The following ETS1 variants were observed in gnomAD, a reference collection of about 807,000 sequenced individuals.
The protein encoded by ETS1 is protein C-ets-1.
A neutral mutation model predicts 58.6 loss-of-function variants in ETS1; 15 were observed. That is an observed-to-expected ratio of 0.26 (90% CI 0.17 to 0.39). The LOEUF is 0.39. Among genes scored for constraint, ETS1 ranks in the 10% least tolerant of loss-of-function variants. The pLI is 1.00. For missense variants in ETS1, 417 were observed against 610.5 expected (o/e 0.68, Z 3.34); for synonymous variants, 214 against 218.2 (o/e 0.98, Z 0.17).
intron 1 of ETS1, among the ~76,000 whole-genome samples, chr11:128,574,434 A>G (rs1864701356): frequency 2.0e-5 from 3 of 152,176 alleles, no homozygotes; most frequent in Non-Finnish European, 4.4e-5. Context: ...GTTTTTTAGG[A>G]AATTGATCTC....
chr11:128,512,519 G>C (rs554961319), intron 3 of ETS1, among the ~76,000 whole-genome samples: 1 of 152,180 alleles, frequency 6.6e-6, no homozygotes, highest in Non-Finnish European at 1.5e-5. Flanking sequence ...CCCCATGTGC[G>C]GGCACCGCTC....
At chr11:128,506,952 C>A (rs539678709) in intron 3 of ETS1, among the ~76,000 whole-genome samples, 3 of 152,132 alleles carry the variant, frequency 2.0e-5, no homozygotes, top group Non-Finnish European at 2.9e-5. Flanking sequence ...TACTTACATA[C>A]AAAAGATTCT....
At chr11:128,498,692 T>C (rs1265658404) in intron 3 of ETS1, among the ~76,000 whole-genome samples, 2 of 152,204 alleles carry the variant, frequency 1.3e-5, no homozygotes, top group African/African-American at 4.8e-5. Flanking sequence ...TAATTGTCAT[T>C]TATGGGCCTC....
intron 3 of ETS1, among the ~76,000 whole-genome samples, chr11:128,494,037 G>C (rs1292875767): frequency 1.3e-5 from 2 of 152,014 alleles, no homozygotes; most frequent in African/African-American, 4.8e-5. Context: ...TTTACATTAG[G>C]TACAAAATAT....
chr11:128,492,846 G>A (rs1456761543), intron 3 of ETS1, among the ~76,000 whole-genome samples: 1 of 152,144 alleles, frequency 6.6e-6, no homozygotes, highest in Non-Finnish European at 1.5e-5. Flanking sequence ...TTGCTTCTGA[G>A]AGAAGAAACA....
At chr11:128,565,050 A>AAATAAATAAATAAATAAAT (rs1257821669) in intron 2 of ETS1, among the ~76,000 whole-genome samples, 43 of 150,678 alleles carry the variant, frequency 2.9e-4, no homozygotes, top group Non-Finnish European at 5.0e-4. Flanking sequence ...ATAAATAAAT[A>AAATAAATAAATAAATAAAT]AATAAATAAA....
intron 7 of ETS1, among the ~76,000 whole-genome samples, chr11:128,483,638 A>G (rs1042614390): frequency 7.2e-5 from 11 of 152,220 alleles, no homozygotes; most frequent in Non-Finnish European, 1.3e-4. Context: ...CTGATTTTGC[A>G]GGGACTTTCC....
intron 8 of ETS1, among the ~76,000 whole-genome samples, chr11:128,478,548 T>C (rs1265313996): frequency 6.6e-6 from 1 of 152,146 alleles, no homozygotes; most frequent in East Asian, 1.9e-4. Context: ...ACCTAGAGCA[T>C]AGTTTTCTCT....
chr11:128,497,620 G>A (rs935536371), intron 3 of ETS1: 8 of 983,596 alleles, frequency 8.1e-6, no homozygotes, highest in Non-Finnish European at 8.5e-6. Context: ...ACATGGTAGG[G>A]AAGCAGGAAA....
At chr11:128,563,430 C>CT (rs1864437602) in intron 2 of ETS1, among the ~76,000 whole-genome samples, 1 of 152,172 alleles carries the variant, frequency 6.6e-6, no homozygotes, top group Non-Finnish European at 1.5e-5. Context: ...ATCAAGCAGC[C>CT]TGGGTTCAAG....
At chr11:128,544,257 CTG>C (rs1483679983) in intron 3 of ETS1, among the ~76,000 whole-genome samples, 2 of 149,772 alleles carry the variant, frequency 1.3e-5, no homozygotes, top group African/African-American at 4.9e-5. Flanking sequence ...ATAGAGCAAA[CTG>C]TTTCTTCAAC....
At chr11:128,499,114 T>G (rs1295306589) in intron 3 of ETS1, among the ~76,000 whole-genome samples, 2 of 152,312 alleles carry the variant, frequency 1.3e-5, no homozygotes, top group African/African-American at 2.4e-5. Context: ...TCACTAAAAT[T>G]CTCATGACAG....
intron 8 of ETS1, among the ~76,000 whole-genome samples, chr11:128,470,145 A>G (rs147074613): frequency 6.6e-6 from 1 of 152,226 alleles, no homozygotes; most frequent in East Asian, 1.9e-4. Context: ...CATGAAAAAG[A>G]GTGAGAAAAC....
chr11:128,520,931 AAATT>A (rs1863651248), intron 3 of ETS1, among the ~76,000 whole-genome samples: 1 of 152,204 alleles, frequency 6.6e-6, no homozygotes. Context: ...CCTGTTCTTG[AAATT>A]AATTATTTTC....
chr11:128,576,176 G>A (rs1005102690), intron 1 of ETS1, among the ~76,000 whole-genome samples: 4 of 152,126 alleles, frequency 2.6e-5, no homozygotes, highest in Admixed American at 6.5e-5. Context: ...AAGGGCTCTC[G>A]TCTCAGGAAA....
rs542223712 is a variant in ETS1 at position 128,480,555 on chromosome 11, C to T, written c.863-104G>A. On this transcript the variant is annotated intron_variant, in intron 7 of 9. Transcript: ENST00000392668. ...ATGGAGGACAGATTGCTAATCAGAT[C>T]TGCAGGAAGGACGGAAGAAGGGAGA... The T allele has an allele frequency of 7.8e-6, 6 of 773,382 alleles. No homozygotes were observed. In the Admixed American group the frequency reaches 1.4e-4, roughly 18 times the overall value. 47.9% of individuals were successfully genotyped at this position (773,382 alleles called of 1,614,324 possible).
Position 128,490,222 on chromosome 11 carries a change from GT to G in ETS1, c.334+234del, listed in dbSNP as rs578235981. Among the ~76,000 whole-genome samples, 173 of 152,314 alleles carry G rather than the reference GT, an allele frequency of 1.1e-3. 1 individual carries two copies. The highest frequency in any genetic ancestry group is 2.0e-3 in the Non-Finnish European group (135 of 68,028). On this transcript the variant is annotated intron_variant, in intron 4 of 9. Transcript: ENST00000392668. ...CAAGAGATCCAGAAGTGATTCTAGT[GT>G]GCAGGCAAGTTTGAGGACCACTGTC...
intron 8 of ETS1, among the ~76,000 whole-genome samples, chr11:128,473,558 G>A (rs559660253): frequency 6.6e-6 from 1 of 152,040 alleles, no homozygotes; most frequent in African/African-American, 2.4e-5. Flanking sequence ...AATTCTACAG[G>A]GATGGCCCCT....
chr11:128,586,906 C>T (rs1865043067), intron 1 of ETS1, among the ~76,000 whole-genome samples: 1 of 152,146 alleles, frequency 6.6e-6, no homozygotes, highest in Non-Finnish European at 1.5e-5. Flanking sequence ...GGCCCACACC[C>T]ACACCATGTC....
Sources: gnomAD v4.1 joint callset for allele counts (sites outside exome capture counted in the v4.1 genomes callset) on GRCh38, gnomAD v4.1.1 for gene constraint, MANE v1.5 for transcripts, NCBI Gene and HGNC (gene_info 2026-07-23, HGNC 2026-07-21) for gene names.